The following KCNH8 variants were observed in gnomAD, a reference collection of about 807,000 sequenced individuals.
KCNH8 encodes the protein voltage-gated delayed rectifier potassium channel KCNH8.
Under a neutral mutation model 103.6 loss-of-function variants are expected in KCNH8, and 70 were observed. That is an observed-to-expected ratio of 0.68 (90% CI 0.56 to 0.82). KCNH8 has a LOEUF of 0.82. Among genes scored for constraint, KCNH8 ranks in the 40% least tolerant of loss-of-function variants. The pLI is 0.00. For missense variants in KCNH8, 1,217 were observed against 1,329.9 expected (o/e 0.92, Z 1.32); for synonymous variants, 498 against 489.4 (o/e 1.02, Z -0.23).
At chr3:19,274,816 T>C (rs1005835307) in intron 2 of KCNH8, among the ~76,000 whole-genome samples, 2 of 121,554 alleles carry the variant, frequency 1.6e-5, no homozygotes, top group South Asian at 5.8e-4. Context: ...CATAACTTGA[T>C]TTCCCTTCCC....
Position 19,533,389 on chromosome 3 carries a change from A to G in KCNH8, c.2620-6A>G. 1.3e-6 allele frequency: 2 copies of G among 1,599,914 alleles called. No individual in the cohort carries two copies. The highest frequency in any genetic ancestry group is 1.7e-6 in the Non-Finnish European group (2 of 1,167,054). ...TATTGTCTTTCACTTTGCTCTATCCACATAGGTAACAACATTGACTCAGGA... is the reference window on the plus strand; with the variant it reads ...TATTGTCTTTCACTTTGCTCTATCCGCATAGGTAACAACATTGACTCAGGA... On this transcript the variant is annotated splice_region_variant and splice_polypyrimidine_tract_variant and intron_variant, in intron 15 of 15. Transcript: ENST00000328405.
Position 19,528,807 on chromosome 3 carries a change from T to C in KCNH8, c.2620-4588T>C, listed in dbSNP as rs114723600. Among the ~76,000 whole-genome samples the C allele has an allele frequency of 8.8e-3, 1,337 of 152,254 alleles. 10 individuals are homozygous for C. The highest frequency in any genetic ancestry group is 0.02 in the South Asian group (96 of 4,824). On this transcript the variant is annotated intron_variant, in intron 15 of 15. Transcript: ENST00000328405. ...ACATTGAAGATTTGCTGAGTGCATG[T>C]TGTATTCTAGGCATTGCCTTGAGAC... is the stretch of plus-strand genomic sequence containing the variant.
intron 1 of KCNH8, among the ~76,000 whole-genome samples, chr3:19,205,797 G>A (rs944270380): frequency 6.6e-6 from 1 of 152,024 alleles, no homozygotes; most frequent in Admixed American, 6.6e-5. Flanking sequence ...GTGACAAACA[G>A]TGTGGTGGGA....
At chr3:19,262,902 C>T (rs1378267994) in intron 2 of KCNH8, among the ~76,000 whole-genome samples, 1 of 152,052 alleles carries the variant, frequency 6.6e-6, no homozygotes, top group Non-Finnish European at 1.5e-5. Flanking sequence ...ACAAAATTAT[C>T]TTCTCACCTA....
chr3:19,522,086 G>A (rs1348541165), intron 15 of KCNH8, among the ~76,000 whole-genome samples: 1 of 151,868 alleles, frequency 6.6e-6, no homozygotes, highest in African/African-American at 2.4e-5. Context: ...TATATGTAAA[G>A]GGGTCAGAGT....
chr3:19,203,679 T>C (rs906862625), intron 1 of KCNH8, among the ~76,000 whole-genome samples: 1 of 152,020 alleles, frequency 6.6e-6, no homozygotes, highest in Non-Finnish European at 1.5e-5. Context: ...GTAGTAGGGA[T>C]AGAAATAGAT....
chr3:19,280,384 G>C (rs2064739576), intron 2 of KCNH8, among the ~76,000 whole-genome samples: 1 of 151,948 alleles, frequency 6.6e-6, no homozygotes, highest in South Asian at 2.1e-4. Context: ...AACAAAACTT[G>C]ACCAGCATCC....
chr3:19,184,461 A>G (rs964268183), intron 1 of KCNH8, among the ~76,000 whole-genome samples: 1 of 152,034 alleles, frequency 6.6e-6, no homozygotes, highest in Non-Finnish European at 1.5e-5. Context: ...AAGCACTTCA[A>G]CTGTATATGT....
chr3:19,157,946 T>C (rs1347279720), intron 1 of KCNH8, among the ~76,000 whole-genome samples: 1 of 151,804 alleles, frequency 6.6e-6, no homozygotes, highest in Non-Finnish European at 1.5e-5. Context: ...TAAATTTCCC[T>C]GTTATGATAT....
chr3:19,395,423 A>G (rs1288540863), intron 7 of KCNH8, 112 bp downstream of exon 7: 13 of 637,402 alleles, frequency 2.0e-5, no homozygotes, highest in Non-Finnish European at 2.3e-5. Context: ...CTTACTATCA[A>G]TTTGTCTAAT....
chr3:19,406,386 T>C (rs1027407859), intron 7 of KCNH8, among the ~76,000 whole-genome samples: 1 of 152,108 alleles, frequency 6.6e-6, no homozygotes, highest in Non-Finnish European at 1.5e-5. Flanking sequence ...ACATGCAACT[T>C]TTCAGAAATG....
intron 3 of KCNH8, among the ~76,000 whole-genome samples, chr3:19,309,659 A>G (rs752383837): frequency 5.9e-5 from 9 of 152,038 alleles, no homozygotes; most frequent in Non-Finnish European, 1.3e-4. Context: ...CTGAGTGGTA[A>G]TGGAGGAGGA....
chr3:19,482,894 C>T (rs987059225), intron 11 of KCNH8, among the ~76,000 whole-genome samples: 11 of 152,052 alleles, frequency 7.2e-5, no homozygotes, highest in Non-Finnish European at 1.0e-4. Context: ...AAGGCTCTGC[C>T]GGTTTTATTA....
chr3:19,266,700 C>T (rs1227224023), intron 2 of KCNH8, among the ~76,000 whole-genome samples: 1 of 152,046 alleles, frequency 6.6e-6, no homozygotes, highest in African/African-American at 2.4e-5. Context: ...CTTGCTGTTT[C>T]AATTGAAGCC....
At chr3:19,294,389 A>G (rs2064968823) in intron 3 of KCNH8, among the ~76,000 whole-genome samples, 1 of 152,062 alleles carries the variant, frequency 6.6e-6, no homozygotes. Flanking sequence ...ATTCTGCCTG[A>G]TTTTCTTTTG....
At chr3:19,318,440 T>C (rs531688211) in intron 3 of KCNH8, among the ~76,000 whole-genome samples, 14 of 151,592 alleles carry the variant, frequency 9.2e-5, no homozygotes, top group Non-Finnish European at 2.1e-4. Flanking sequence ...ACCCTGTCCC[T>C]CAAGTCCCCA....
intron 7 of KCNH8, 70 bp from the exon 8 acceptor site, chr3:19,438,094 A>G (rs2067227652): frequency 8.4e-7 from 1 of 1,189,058 alleles, no homozygotes; most frequent in African/African-American, 1.5e-5. Context: ...TTCATTTATC[A>G]TTACTCCCAT....
chr3:19,287,572 TTTGTTG>T (rs113159230), intron 3 of KCNH8, among the ~76,000 whole-genome samples: 35 of 150,784 alleles, frequency 2.3e-4, no homozygotes, highest in African/African-American at 4.6e-4. Context: ...CAGTCCACTT[TTTGTTG>T]TTGTTGTTGT....
At chr3:19,435,055 A>G (rs552933156) in intron 7 of KCNH8, among the ~76,000 whole-genome samples, 3 of 152,076 alleles carry the variant, frequency 2.0e-5, no homozygotes, top group African/African-American at 7.2e-5. Flanking sequence ...CACACACACA[A>G]AAAGACAACA....
Sources: gnomAD v4.1 joint callset for allele counts (sites outside exome capture counted in the v4.1 genomes callset) on GRCh38, gnomAD v4.1.1 for gene constraint, MANE v1.5 for transcripts, NCBI Gene and HGNC (gene_info 2026-07-23, HGNC 2026-07-21) for gene names.